Variants in ADH5 observed in about 807,000 individuals in gnomAD.
The protein encoded by ADH5 is alcohol dehydrogenase 5 (class III), chi polypeptide, also known as alcohol dehydrogenase class-3.
In ADH5, 32 loss-of-function variants were observed where a neutral mutation model predicts 40.3. The observed-to-expected ratio is 0.79, with a 90% confidence interval of 0.60 to 1.07. ADH5 has a LOEUF of 1.07. Among genes scored for constraint, ADH5 ranks in the 50% least tolerant of loss-of-function variants. The pLI is 0.00. For synonymous variants in ADH5, 125 were observed against 154.3 expected (o/e 0.81, Z 1.41); for missense variants, 353 against 460.5 (o/e 0.77, Z 2.14).
At chr4:99,081,529 G>C (rs1192281982) in intron 3 of ADH5, 77 bp from the exon 4 acceptor site, 2 of 1,045,408 alleles carry the variant, frequency 1.9e-6, no homozygotes. Context: ...GCAAATTCCT[G>C]TCAACGGATG....
At chr4:99,087,983 C>G (rs530125061) in intron 1 of ADH5, among the ~76,000 whole-genome samples, 1 of 152,152 alleles carries the variant, frequency 6.6e-6, no homozygotes, top group Non-Finnish European at 1.5e-5. Context: ...TCTTTACTGT[C>G]TAATTTGTAT....
chr4:99,085,786 C>A (rs1048088872), intron 1 of ADH5, among the ~76,000 whole-genome samples: 1 of 152,152 alleles, frequency 6.6e-6, no homozygotes, highest in South Asian at 2.1e-4. Flanking sequence ...GCCTGTAATC[C>A]CAGCACTTTG....
chr4:99,087,404 G>T, intron 1 of ADH5, among the ~76,000 whole-genome samples: 1 of 127,334 alleles, frequency 7.9e-6, no homozygotes, highest in South Asian at 3.1e-4. Context: ...GGAGGGGGGG[G>T]GGAGGGAAAT....
chr4:99,072,270 TAG>T lies in ADH5; in HGVS notation c.*145_*146del. ...ACTGAATTATCCTTGTCCTTGATTA[TAG>T]AGATTCATGAATGACACACATAACC... is the stretch of plus-strand genomic sequence containing the variant. On this transcript the variant is annotated 3_prime_UTR_variant, in exon 9 of 9. Coordinates refer to ENST00000296412, the MANE Select transcript of ADH5 (RefSeq NM_000671.4). The T allele has an allele frequency of 1.6e-6, 1 of 640,800 alleles. No homozygotes were observed. The highest frequency in any genetic ancestry group is 2.6e-6 in the Non-Finnish European group (1 of 380,236). The allele number at this position is 640,800 out of a possible 1,614,324, so 39.7% of individuals were successfully genotyped here.
intron 4 of ADH5, among the ~76,000 whole-genome samples, chr4:99,077,184 A>G (rs4699700): frequency 0.16 from 24,201 of 152,142 alleles, 2,216 homozygotes; most frequent in African/African-American, 0.26. Context: ...CTCATTTTAA[A>G]AGGTACAACT....
intron 4 of ADH5, 32 bp downstream of exon 4, chr4:99,081,333 G>T: frequency 1.5e-6 from 2 of 1,352,384 alleles, no homozygotes; most frequent in Non-Finnish European, 2.1e-6. Flanking sequence ...CGCAGCACTT[G>T]TGTTTTAAGA....
At chr4:99,084,930 G>C (rs1310181621) in intron 2 of ADH5, among the ~76,000 whole-genome samples, 185 bp downstream of exon 2, 1 of 152,228 alleles carries the variant, frequency 6.6e-6, no homozygotes, top group Non-Finnish European at 1.5e-5. Context: ...AAAAGAGATG[G>C]AGAAGCATGC....
At chr4:99,083,798 T>A (rs1320933196) in intron 2 of ADH5, among the ~76,000 whole-genome samples, 7 of 151,990 alleles carry the variant, frequency 4.6e-5, no homozygotes, top group Non-Finnish European at 1.0e-4. Flanking sequence ...TGATCACTAC[T>A]CTAAAGCACT....
chr4:99,072,765 A>C, intron 7 of ADH5, 54 bp from the exon 8 acceptor site: 1 of 1,538,500 alleles, frequency 6.5e-7, no homozygotes, highest in African/African-American at 1.4e-5. Flanking sequence ...TATGCTTGTT[A>C]CTTAGCTGAG....
At chr4:99,087,404 G>A (rs1390980194) in intron 1 of ADH5, among the ~76,000 whole-genome samples, 1 of 127,336 alleles carries the variant, frequency 7.9e-6, no homozygotes, top group Non-Finnish European at 1.7e-5. Flanking sequence ...GGAGGGGGGG[G>A]GGAGGGAAAT....
intron 2 of ADH5, among the ~76,000 whole-genome samples, chr4:99,084,797 A>G (rs922931979): frequency 3.9e-5 from 6 of 152,218 alleles, no homozygotes; most frequent in African/African-American, 1.4e-4. Context: ...GCATATATTT[A>G]AAGTTATCTA....
rs563764403 is a variant in ADH5, at chr4:99,074,537, G to A, written c.961+377C>T. On this transcript the variant is annotated intron_variant, in intron 7 of 8. Transcript: ENST00000296412. ...CACTCCTGGAAAAATGAATAAAAAT[G>A]TAACAAGCTACTTGGGTCCACAAGA... 5.3e-5 allele frequency among the ~76,000 whole-genome samples: 8 copies of A among 152,310 alleles called. 1 individual carries two copies. Among genetic ancestry groups the A allele is most frequent in the African/African-American group, 1.7e-4 (7 of 41,566 alleles).
rs774009418 is a variant in ADH5, at chr4:99,072,592, G to A, written c.1081C>T (p.Leu361=). 63 of 1,613,094 alleles carry A rather than the reference G, an allele frequency of 3.9e-5. No individual in the cohort carries two copies. Among genetic ancestry groups the A allele is most frequent in the Non-Finnish European group, 5.3e-5 (63 of 1,179,676 alleles). Residue 361 remains leucine (L), a synonymous_variant, in exon 8 of 9, where the codon CTG becomes TTG. Coordinates refer to ENST00000296412, the MANE Select transcript of ADH5 (RefSeq NM_000671.4). ...GCCTACCTCTTTCCAGAATGCATCA[G>A]TTCAAAGGCTTTGTTGATTTCATCA... ...SFDEINKAFE[L]MHSGKSIRTV...
chr4:99,082,121 C>G lies in ADH5; in HGVS notation c.115-5G>C. 6.2e-7 allele frequency: 1 copy of G among 1,613,222 alleles called. No individual in the cohort carries two copies. Among genetic ancestry groups the G allele is most frequent in the Non-Finnish European group, 8.5e-7 (1 of 1,179,476 alleles). On this transcript the variant is annotated splice_polypyrimidine_tract_variant and splice_region_variant and intron_variant, in intron 2 of 8. Coordinates refer to ENST00000296412, the MANE Select transcript of ADH5 (RefSeq NM_000671.4). ...GCAAACCGCAGTGGCAATGATCTAT[C>G]AGGACATTAAAACAACGAATGTGTA...
rs569053250 is a variant in ADH5 at position 99,088,683 on chromosome 4, C to A, written c.12+6G>T. 2.1e-5 allele frequency: 34 copies of A among 1,608,518 alleles called. No homozygotes were observed. The African/African-American group carries it at 3.7e-4, about 18-fold the overall frequency. On this transcript the variant is annotated splice_donor_region_variant and intron_variant, in intron 1 of 8. Coordinates refer to ENST00000296412, the MANE Select transcript of ADH5 (RefSeq NM_000671.4). ...GACTCAGGGCCCTCCGCTCAACGGG[C>A]CCTACCTCGTTCGCCATGTTCACGG... is the stretch of plus-strand genomic sequence containing the variant.
At position 99,088,538 on chromosome 4, in the gene ADH5, T is replaced by A; in HGVS notation, c.12+151A>T. On this transcript the variant is annotated intron_variant, in intron 1 of 8. Transcript: ENST00000296412. ...CAAAGCTTCCTTCTCTTTCTGCCCC[T>A]CTGAGCCGCTCGCTGGGGGCCCAGT... 1.8e-5 allele frequency: 12 copies of A among 660,698 alleles called. 1 individual carries two copies. The South Asian group carries it at 3.7e-4, about 21-fold the overall frequency. 40.9% of individuals were successfully genotyped at this position (660,698 alleles called of 1,614,324 possible).
At position 99,071,449 on chromosome 4, in the gene ADH5, T is replaced by TA. The variant is rs1727830906; in HGVS notation, c.*967dup. On this transcript the variant is annotated 3_prime_UTR_variant, in exon 9 of 9. Coordinates refer to ENST00000296412, the MANE Select transcript of ADH5 (RefSeq NM_000671.4). ...GCCTTCAACTGGAGAACAGATAAATTATGGTAGTTCCCGTAATTGAATTCT... is the reference window on the plus strand; with the variant it reads ...GCCTTCAACTGGAGAACAGATAAATTAATGGTAGTTCCCGTAATTGAATTCT... 1 of 152,190 alleles carries TA rather than the reference T, an allele frequency of 6.6e-6. No homozygotes were observed. The allele number at this position is 152,190 out of a possible 1,614,324, so 9.4% of individuals were successfully genotyped here.
Position 99,072,273 on chromosome 4 carries a change from A to C in ADH5, c.*144T>G. The C allele has an allele frequency of 1.5e-6, 1 of 645,506 alleles. No individual in the cohort carries two copies. The highest frequency in any genetic ancestry group is 2.8e-5 in the East Asian group (1 of 35,460). 40.0% of individuals were successfully genotyped at this position (645,506 alleles called of 1,614,324 possible). A position where few individuals can be genotyped will look rare whatever the true frequency, so the allele number is the denominator to read the frequency against. ...GAATTATCCTTGTCCTTGATTATAG[A>C]GATTCATGAATGACACACATAACCC... On this transcript the variant is annotated 3_prime_UTR_variant, in exon 9 of 9. Coordinates refer to ENST00000296412, the MANE Select transcript of ADH5 (RefSeq NM_000671.4).
chr4:99,085,629 CA>C, intron 1 of ADH5: 2 of 340,954 alleles, frequency 5.9e-6, no homozygotes, highest in Non-Finnish European at 1.2e-5. Flanking sequence ...CGGCTTGGTG[CA>C]AAACTGCAGG....
Sources: allele counts gnomAD v4.1 joint callset (sites outside exome capture counted in the v4.1 genomes callset), GRCh38; gene constraint gnomAD v4.1.1; transcripts MANE v1.5; gene names NCBI Gene and HGNC (gene_info 2026-07-23, HGNC 2026-07-21).